The following RPS6KC1 variants were observed in gnomAD, a reference collection of about 807,000 sequenced individuals.
RPS6KC1 encodes ribosomal protein S6 kinase C1, also known as inactive ribosomal protein S6 kinase delta-1.
A neutral mutation model predicts 103.8 loss-of-function variants in RPS6KC1; 54 were observed. That is an observed-to-expected ratio of 0.52 (90% CI 0.42 to 0.65). The LOEUF is 0.65. RPS6KC1 is among the 30% of genes least tolerant of loss of function. RPS6KC1 has a pLI of 0.00. For synonymous variants in RPS6KC1, 439 were observed against 438.7 expected (o/e 1.00, Z -0.01); for missense variants, 1,151 against 1,253.8 (o/e 0.92, Z 1.24).
chr1:213,294,497 G>A, the RPS6KC1 span, among the ~76,000 whole-genome samples: 2 of 152,132 alleles, frequency 1.3e-5, no homozygotes, highest in East Asian at 3.9e-4. Flanking sequence ...TGCCTTCATA[G>A]CTGAATTTCA....
chr1:213,185,383 T>C (rs1004899053), intron 8 of RPS6KC1, among the ~76,000 whole-genome samples: 9 of 152,220 alleles, frequency 5.9e-5, no homozygotes, highest in Admixed American at 2.0e-4. Flanking sequence ...CAGTGGCTTA[T>C]GCCTGTAATC....
chr1:213,601,852 C>T, the RPS6KC1 span, among the ~76,000 whole-genome samples: 5 of 151,906 alleles, frequency 3.3e-5, no homozygotes, highest in Admixed American at 6.6e-5. Context: ...CTTTATTATT[C>T]TTTTTTTCCT....
the RPS6KC1 span, among the ~76,000 whole-genome samples, chr1:213,782,756 C>G: frequency 6.6e-6 from 1 of 152,130 alleles, no homozygotes; most frequent in Non-Finnish European, 1.5e-5. Flanking sequence ...TCAAATTTTG[C>G]TATAATCATT....
the RPS6KC1 span, among the ~76,000 whole-genome samples, chr1:213,760,225 C>T: frequency 6.6e-6 from 1 of 152,110 alleles, no homozygotes; most frequent in Non-Finnish European, 1.5e-5. Flanking sequence ...AAATAAATAA[C>T]TCAGGAAGAA....
intron 6 of RPS6KC1, among the ~76,000 whole-genome samples, chr1:213,164,933 T>C (rs1461941333): frequency 2.6e-5 from 4 of 152,186 alleles, no homozygotes; most frequent in Non-Finnish European, 4.4e-5. Context: ...CAGATAATCA[T>C]TGTGGACTGT....
At chr1:213,104,807 T>C (rs2082324024) in intron 4 of RPS6KC1, among the ~76,000 whole-genome samples, 3 of 151,874 alleles carry the variant, frequency 2.0e-5, no homozygotes, top group African/African-American at 4.8e-5. Context: ...CAGTGGCCAT[T>C]GACAGGTGTG....
chr1:213,256,722 C>T (rs1459536899), intron 12 of RPS6KC1, among the ~76,000 whole-genome samples: 1 of 152,138 alleles, frequency 6.6e-6, no homozygotes, highest in Non-Finnish European at 1.5e-5. Context: ...TGGCAATCCA[C>T]ATTTGGAGCA....
chr1:213,072,806 T>G (rs1254116736), intron 2 of RPS6KC1: 3 of 222,298 alleles, frequency 1.3e-5, no homozygotes, highest in Non-Finnish European at 2.3e-5. Flanking sequence ...ATGGGTGTAT[T>G]TCCTTTGAAT....
At chr1:213,338,145 A>G in the RPS6KC1 span, among the ~76,000 whole-genome samples, 688 of 152,292 alleles carry the variant, frequency 4.5e-3, 8 homozygotes, top group African/African-American at 0.015. Flanking sequence ...ATAATTATGA[A>G]TGAATCTTAG....
At chr1:213,337,733 A>G in the RPS6KC1 span, among the ~76,000 whole-genome samples, 1 of 152,162 alleles carries the variant, frequency 6.6e-6, no homozygotes, top group Non-Finnish European at 1.5e-5. Context: ...TTCAACAGAT[A>G]TTTATTGTCT....
chr1:213,777,081 C>G, the RPS6KC1 span, among the ~76,000 whole-genome samples: 1 of 152,124 alleles, frequency 6.6e-6, no homozygotes, highest in Admixed American at 6.5e-5. Context: ...CTCTGTGGAC[C>G]ACTCGAAGTT....
the RPS6KC1 span, among the ~76,000 whole-genome samples, chr1:213,637,884 T>C: frequency 1.3e-5 from 2 of 152,178 alleles, no homozygotes; most frequent in South Asian, 2.1e-4. Flanking sequence ...TGCAGTGTCA[T>C]TGGCTCACTA....
At chr1:213,088,266 C>T (rs76614346) in intron 3 of RPS6KC1, among the ~76,000 whole-genome samples, 1,590 of 152,266 alleles carry the variant, frequency 0.01, 31 homozygotes, top group African/African-American at 0.036. Flanking sequence ...GAGAAGAGTT[C>T]CCCTTTCTAA....
At chr1:213,711,484 T>G in the RPS6KC1 span, among the ~76,000 whole-genome samples, 1 of 152,186 alleles carries the variant, frequency 6.6e-6, no homozygotes, top group African/African-American at 2.4e-5. Flanking sequence ...GAGTTTGTTA[T>G]TACTCACCTC....
chr1:213,769,924 T>C, the RPS6KC1 span, among the ~76,000 whole-genome samples: 1 of 152,132 alleles, frequency 6.6e-6, no homozygotes, highest in Non-Finnish European at 1.5e-5. Flanking sequence ...AGTTGTTAAG[T>C]GGTTCTGGAG....
the RPS6KC1 span, among the ~76,000 whole-genome samples, chr1:213,702,930 A>G: frequency 3.3e-5 from 5 of 150,804 alleles, no homozygotes; most frequent in African/African-American, 9.8e-5. Flanking sequence ...ATTTATATTT[A>G]ATGTTATTTT....
At chr1:213,652,456 A>G in the RPS6KC1 span, among the ~76,000 whole-genome samples, 1 of 152,238 alleles carries the variant, frequency 6.6e-6, no homozygotes, top group Non-Finnish European at 1.5e-5. Context: ...TAACTGTGAT[A>G]TCGGGCAGAC....
At chr1:213,622,264 T>C in the RPS6KC1 span, among the ~76,000 whole-genome samples, 1 of 150,652 alleles carries the variant, frequency 6.6e-6, no homozygotes, top group Non-Finnish European at 1.5e-5. Flanking sequence ...CTCTGAAGTT[T>C]GTGCAGCACC....
chr1:213,282,196 T>C, the RPS6KC1 span, among the ~76,000 whole-genome samples: 1 of 152,214 alleles, frequency 6.6e-6, no homozygotes, highest in African/African-American at 2.4e-5. Flanking sequence ...TTTGAGAATA[T>C]GGTTTCAACC....
Sources: allele counts gnomAD v4.1 joint callset (sites outside exome capture counted in the v4.1 genomes callset), GRCh38; gene constraint gnomAD v4.1.1; transcripts MANE v1.5; gene names NCBI Gene and HGNC (gene_info 2026-07-23, HGNC 2026-07-21).